PRKAR1B: variants seen among roughly 807,000 people sequenced by gnomAD.
PRKAR1B encodes protein kinase cAMP-dependent type I regulatory subunit beta, also known as cAMP-dependent protein kinase type I-beta regulatory subunit.
PRKAR1B carries 22 observed loss-of-function variants against 46.5 expected under a neutral mutation model. That is an observed-to-expected ratio of 0.47 (90% CI 0.34 to 0.68). The LOEUF is 0.68. Ranked by LOEUF, PRKAR1B falls within the 30% of genes least tolerant of loss-of-function variation. PRKAR1B has a pLI of 0.01. For synonymous variants in PRKAR1B, 259 were observed against 217.7 expected (o/e 1.19, Z -1.67); for missense variants, 445 against 535.6 (o/e 0.83, Z 1.67).
chr7:645,645 G>A (rs1784585700), intron 4 of PRKAR1B, among the ~76,000 whole-genome samples: 1 of 152,174 alleles, frequency 6.6e-6, no homozygotes, highest in Non-Finnish European at 1.5e-5. Context: ...GCTGTTCAGG[G>A]AATAAAGTCT....
intron 1 of PRKAR1B, chr7:726,878 T>G: frequency 1.5e-6 from 2 of 1,326,610 alleles, no homozygotes; most frequent in Non-Finnish European, 1.9e-6. Context: ...TTGGAGGCCC[T>G]GCGGCGCGCG....
chr7:658,255 G>A (rs112591358), intron 4 of PRKAR1B, among the ~76,000 whole-genome samples: 20,291 of 151,928 alleles, frequency 0.13, 1,542 homozygotes, highest in East Asian at 0.23. Flanking sequence ...GCAACACAGC[G>A]AGACCCCCAT....
chr7:678,286 A>G (rs769271908), intron 3 of PRKAR1B, among the ~76,000 whole-genome samples: 27 of 151,736 alleles, frequency 1.8e-4, no homozygotes, highest in Non-Finnish European at 3.4e-4. Context: ...TAAACAAATA[A>G]ACATATCTAC....
chr7:641,690 C>T (rs570054977), intron 4 of PRKAR1B, among the ~76,000 whole-genome samples: 2 of 152,058 alleles, frequency 1.3e-5, no homozygotes, highest in Non-Finnish European at 2.9e-5. Flanking sequence ...GGATGAACCT[C>T]AAAAAACACC....
chr7:661,696 C>CT (rs1562596866), intron 4 of PRKAR1B, among the ~76,000 whole-genome samples: 1 of 43,730 alleles, frequency 2.3e-5, no homozygotes, highest in Non-Finnish European at 4.2e-5. Flanking sequence ...AATACCTACT[C>CT]TCCCCCCCAT....
intron 9 of PRKAR1B, among the ~76,000 whole-genome samples, chr7:576,672 C>T (rs903180748): frequency 2.2e-4 from 33 of 151,554 alleles, no homozygotes; most frequent in Non-Finnish European, 3.8e-4. Flanking sequence ...AGAAATCTCC[C>T]GGCATCTCGG....
chr7:599,494 G>C (rs1272868063), intron 6 of PRKAR1B, among the ~76,000 whole-genome samples: 2 of 152,034 alleles, frequency 1.3e-5, no homozygotes, highest in Non-Finnish European at 2.9e-5. Flanking sequence ...CTCCATGTTG[G>C]TCAGGCTGGT....
At chr7:691,433 G>A (rs1198617200) in intron 2 of PRKAR1B, 18 of 1,236,370 alleles carry the variant, frequency 1.5e-5, no homozygotes, top group African/African-American at 3.1e-5. Context: ...GGGTGGCTTT[G>A]ATGGAGAGGG....
intron 2 of PRKAR1B, among the ~76,000 whole-genome samples, chr7:682,243 G>A (rs867841497): frequency 6.6e-5 from 10 of 152,152 alleles, no homozygotes; most frequent in South Asian, 2.1e-4. Context: ...TGACCTCACC[G>A]GGACTCATCT....
rs1161008320 is a variant in PRKAR1B, at chr7:608,691, G to GC, written c.441-1240dup. Reference sequence around the variant, plus strand: ...AGTGTGTGGCAGGGTTGTAGGGAGGGCTGGGGGGCCTCCACCGTCCTCCCA... The same window carrying GC: ...AGTGTGTGGCAGGGTTGTAGGGAGGGCCTGGGGGGCCTCCACCGTCCTCCCA... On this transcript the variant is annotated intron_variant, in intron 4 of 10. Coordinates refer to ENST00000537384, the MANE Select transcript of PRKAR1B (RefSeq NM_001164760.2). Among the ~76,000 whole-genome samples the GC allele has an allele frequency of 4.5e-4, 56 of 125,400 alleles. 1 individual carries two copies. The highest frequency in any genetic ancestry group is 1.8e-3 in the African/African-American group (52 of 29,008). 82.3% of individuals were successfully genotyped at this position (125,400 alleles called of 152,430 possible).
At chr7:622,010 G>C (rs1034313086) in intron 4 of PRKAR1B, among the ~76,000 whole-genome samples, 1 of 152,212 alleles carries the variant, frequency 6.6e-6, no homozygotes, top group African/African-American at 2.4e-5. Flanking sequence ...CCCATGCCCC[G>C]ATCTCAGCCA....
intron 4 of PRKAR1B, among the ~76,000 whole-genome samples, chr7:616,072 C>T (rs925711094): frequency 2.2e-4 from 34 of 152,220 alleles, no homozygotes; most frequent in Non-Finnish European, 2.8e-4. Context: ...GCTGTGCTCT[C>T]ACCACTGCCG....
intron 4 of PRKAR1B, among the ~76,000 whole-genome samples, chr7:656,275 T>C (rs576850039): frequency 4.8e-4 from 72 of 150,574 alleles, no homozygotes; most frequent in African/African-American, 1.7e-3. Context: ...GGTGAATGCA[T>C]GGATGGATGA....
intron 6 of PRKAR1B, among the ~76,000 whole-genome samples, chr7:599,056 C>T (rs961460663): frequency 1.3e-5 from 2 of 152,230 alleles, no homozygotes; most frequent in African/African-American, 2.4e-5. Context: ...TGGACCAGGA[C>T]GCGCTGCCCA....
At chr7:713,392 G>A (rs1242893552) in intron 1 of PRKAR1B, among the ~76,000 whole-genome samples, 10 of 150,648 alleles carry the variant, frequency 6.6e-5, no homozygotes, top group East Asian at 4.0e-4. Context: ...TCACCTGCCC[G>A]GCTTCCCTGT....
chr7:645,518 G>A (rs1254870084), intron 4 of PRKAR1B, among the ~76,000 whole-genome samples: 2 of 152,142 alleles, frequency 1.3e-5, no homozygotes, highest in African/African-American at 2.4e-5. Flanking sequence ...CGGGTGTGAT[G>A]GCGAGCCCCT....
upstream of PRKAR1B, chr7:727,322 AC>A (rs1384636647): frequency 8.0e-7 from 1 of 1,255,928 alleles, no homozygotes; most frequent in East Asian, 3.4e-5. Flanking sequence ...CCCGGTGAGC[AC>A]CCCGGGCCCC....
chr7:563,291 C>T (rs545800745), intron 9 of PRKAR1B, among the ~76,000 whole-genome samples: 32 of 152,382 alleles, frequency 2.1e-4, no homozygotes, highest in Admixed American at 1.2e-3. Context: ...ACCCCCTCCA[C>T]GGGATACCCC....
intron 4 of PRKAR1B, among the ~76,000 whole-genome samples, chr7:673,659 A>C (rs966465958): frequency 2.0e-5 from 3 of 152,058 alleles, no homozygotes; most frequent in Non-Finnish European, 4.4e-5. Flanking sequence ...AAAAAAAAAA[A>C]AAAATAGTCT....
Sources: allele counts gnomAD v4.1 joint callset (sites outside exome capture counted in the v4.1 genomes callset), GRCh38; gene constraint gnomAD v4.1.1; transcripts MANE v1.5; gene names NCBI Gene and HGNC (gene_info 2026-07-23, HGNC 2026-07-21).